Variants in MYO15B observed in about 807,000 individuals in gnomAD.
MYO15B encodes myosin XVB, also known as myosin XVB pseudogene.
In MYO15B, 207 loss-of-function variants were observed where a neutral mutation model predicts 119.3. The ratio of observed to expected loss-of-function variants is 1.73; its 90% CI spans 1.55 to 1.95. The LOEUF (loss-of-function observed/expected upper bound fraction) is 1.95, where lower values mean the gene tolerates loss of function less well. MYO15B is among the 30% of genes most tolerant of loss of function. The probability of loss-of-function intolerance (pLI) is 0.00; values close to 1 mark genes in which losing one functional copy is unlikely to be tolerated. For synonymous variants in MYO15B, 966 were observed against 498.9 expected, an observed-to-expected ratio of 1.94 and a Z score of -12.48; for missense variants, 2,264 against 1,203.1, an observed-to-expected ratio of 1.88 and a Z score of -13.04.
At chr17:75,616,406 G>T in exon 38 of MYO15B, 1 of 625,570 alleles carries the variant, frequency 1.6e-6, no homozygotes, top group Non-Finnish European at 2.9e-6. Context: ...AGGAGGAGGA[G>T]GAGGAGGAGC....
rs775421320 is a variant in MYO15B, at chr17:75,596,756, G to A, written c.3394-12G>A. On this transcript the variant is annotated splice_polypyrimidine_tract_variant and intron_variant, in intron 13 of 63. Transcript: ENST00000645453. ...TGCTCCTGCAAAATGGCCAAATGCC[G>A]GCTGTTCCCAGGAGGAGTGTCGGCG... 21 of 695,368 alleles carry A rather than the reference G, an allele frequency of 3.0e-5. No individual in the cohort carries two copies. Among genetic ancestry groups the A allele is most frequent in the Middle Eastern group, 2.3e-4 (1 of 4,344 alleles). The allele number at this position is 695,368 out of a possible 1,614,324, so 43.1% of individuals were successfully genotyped here.
intron 3 of MYO15B, 36 bp from the exon 4 acceptor site, chr17:75,591,136 G>C: frequency 1.4e-6 from 1 of 702,760 alleles, no homozygotes. Context: ...GAGGGTCCCA[G>C]GTCCCCATGT....
intron 22 of MYO15B, 57 bp downstream of exon 22, chr17:75,610,316 G>A (rs776472297): frequency 1.7e-5 from 11 of 643,318 alleles, no homozygotes; most frequent in South Asian, 3.3e-5. Context: ...TGAGCTGGCC[G>A]AGCTGGCCAA....
intron 21 of MYO15B, among the ~76,000 whole-genome samples, chr17:75,609,209 C>CTT (rs756034754): frequency 7.1e-5 from 10 of 141,658 alleles, no homozygotes; most frequent in African/African-American, 2.3e-4. Context: ...TTCTGCTGCT[C>CTT]TTTTTTTTTT....
At chr17:75,621,504 C>G (rs940786240) in exon 52 of MYO15B, 9 of 701,876 alleles carry the variant, frequency 1.3e-5, no homozygotes, top group Middle Eastern at 2.3e-4. Flanking sequence ...GCCACAGGCT[C>G]CCATCCAGGA....
chr17:75,611,152 G>T (rs1391279305), intron 23 of MYO15B, among the ~76,000 whole-genome samples, 193 bp downstream of exon 23: 1 of 151,934 alleles, frequency 6.6e-6, no homozygotes, highest in Non-Finnish European at 1.5e-5. Flanking sequence ...CTGTTTGTTC[G>T]AGTGTCCAGG....
chr17:75,610,923 TAGC>T (rs1325952007), exon 23 of MYO15B: 3 of 703,028 alleles, frequency 4.3e-6, no homozygotes, highest in Admixed American at 2.0e-5. Flanking sequence ...AGGGCTGGCA[TAGC>T]AGCGAAAGGG....
In MYO15B at chr17:75,589,723, G is replaced by A; in HGVS notation, c.1666G>A (p.Ala556Thr). The A allele has an allele frequency of 2.5e-6, 1 of 398,786 alleles. No homozygotes were observed. The highest frequency in any genetic ancestry group is 4.4e-6 in the Non-Finnish European group (1 of 226,044). The allele number at this position is 398,786 out of a possible 1,614,324, so 24.7% of individuals were successfully genotyped here. A position where few individuals can be genotyped will look rare whatever the true frequency, so the allele number is the denominator to read the frequency against. The change falls in exon 1 of 64, where the codon GCG becomes ACG. Residue 556 changes from alanine (A) to threonine (T), a missense_variant. By Grantham distance (58) the Ala-to-Thr change is moderately conservative. Transcript: ENST00000645453. This position sits in a 1 kb window ranked among gnomAD's most constrained non-coding sequence, Gnocchi z 4.2. The stretch of plus-strand genomic sequence containing the variant: ...CCCCAGGATCCACAGGGCAGGGCGG[G>A]CGTCGAGCAGCCGCAGCTCTGAAGA...
chr17:75,624,933 C>T lies in MYO15B; in HGVS notation c.8688+17C>T. ...TACAGCCAGGTCAGCCTGCCTGCCT[C>T]CGAGCTGCTGCTGCAGTTTGAGGGC... On this transcript the variant is annotated intron_variant, in intron 59 of 63. Coordinates refer to ENST00000645453, the Ensembl canonical transcript of MYO15B. The T allele has an allele frequency of 1.4e-6, 1 of 701,094 alleles. No individual in the cohort carries two copies. The allele number at this position is 701,094 out of a possible 1,614,324, so 43.4% of individuals were successfully genotyped here. A position where few individuals can be genotyped will look rare whatever the true frequency, so the allele number is the denominator to read the frequency against.
chr17:75,617,271 GAGGACCC>G lies in MYO15B; in HGVS notation c.6785_6791del (p.Asp2262GlyfsTer10), dbSNP rs1381381131. ...ACCAGCGCCACCACTGCCTCTGCCC[GAGGACCC>G]AGGGACCCTTTCAGCAGAGCGTCGT... is the stretch of plus-strand genomic sequence containing the variant. On this transcript the variant is annotated frameshift_variant, in exon 41 of 64. Transcript: ENST00000645453. LOFTEE classifies it high-confidence loss of function. 1.5e-6 allele frequency: 1 copy of G among 676,844 alleles called. No individual in the cohort carries two copies. The highest frequency in any genetic ancestry group is 2.7e-6 in the Non-Finnish European group (1 of 373,156). The allele number at this position is 676,844 out of a possible 1,614,324, so 41.9% of individuals were successfully genotyped here. A position where few individuals can be genotyped will look rare whatever the true frequency, so the allele number is the denominator to read the frequency against.
chr17:75,610,839 G>T, intron 22 of MYO15B, 61 bp from the exon 23 acceptor site: 1 of 702,392 alleles, frequency 1.4e-6, no homozygotes, highest in South Asian at 1.5e-5. Flanking sequence ...TCAGAGCTGG[G>T]GAGGTGCCCC....
intron 52 of MYO15B, 151 bp from the exon 53 acceptor site, chr17:75,621,853 C>A (rs1297847256): frequency 1.6e-6 from 1 of 621,770 alleles, no homozygotes; most frequent in South Asian, 1.8e-5. Flanking sequence ...CCCCATGAGT[C>A]GAGCTGCAAC....
In MYO15B at chr17:75,612,915, G is replaced by A. The variant is rs1290916955; in HGVS notation, c.4731+22G>A. 8.6e-6 allele frequency: 6 copies of A among 697,900 alleles called. No homozygotes were observed. In the East Asian group the frequency reaches 1.3e-4, roughly 16 times the overall value. 43.2% of individuals were successfully genotyped at this position (697,900 alleles called of 1,614,324 possible). A position where few individuals can be genotyped will look rare whatever the true frequency, so the allele number is the denominator to read the frequency against. On this transcript the variant is annotated intron_variant, in intron 26 of 63. Transcript: ENST00000645453. Reference sequence around the variant, plus strand: ...AGTGGTGAGTGACACATTGGAGAAGGGACAGGATAGGCGCCTGGGAGCCCC... The same window carrying A: ...AGTGGTGAGTGACACATTGGAGAAGAGACAGGATAGGCGCCTGGGAGCCCC...
intron 43 of MYO15B, among the ~76,000 whole-genome samples, chr17:75,618,782 C>CT (rs35567498): frequency 0.32 from 49,233 of 152,154 alleles, 8,255 homozygotes; most frequent in Middle Eastern, 0.38. Context: ...TTTGCCACCT[C>CT]TGAACGCTCC....
chr17:75,621,683 G>A (rs766946260), intron 52 of MYO15B, 113 bp downstream of exon 52: 81 of 628,430 alleles, frequency 1.3e-4, no homozygotes, highest in Middle Eastern at 3.9e-4. Context: ...TGCCAACTCC[G>A]GGAAGCTCAC....
intron 41 of MYO15B, chr17:75,617,555 C>G: frequency 2.6e-6 from 1 of 388,678 alleles, no homozygotes; most frequent in Non-Finnish European, 4.8e-6. Flanking sequence ...GACACATACC[C>G]GACAGCTCTG....
intron 61 of MYO15B, 70 bp from the exon 62 acceptor site, chr17:75,625,774 G>T (rs182793488): frequency 1.4e-6 from 1 of 701,194 alleles, no homozygotes; most frequent in East Asian, 2.7e-5. Flanking sequence ...AGCTGACCTG[G>T]GGGACCAAGC....
intron 22 of MYO15B, chr17:75,610,596 G>A: frequency 5.5e-6 from 3 of 541,468 alleles, no homozygotes; most frequent in South Asian, 5.1e-5. Context: ...CGACTCAAAG[G>A]TCAATGCCCA....
rs940162521 is a variant in MYO15B, at chr17:75,591,467, G to A, written c.2436-134G>A. The stretch of plus-strand genomic sequence containing the variant: ...TCTGTCGGGTCTCTCCATGCCCTGG[G>A]ACTATCTTTCCACATTTATGGGGGT... On this transcript the variant is annotated intron_variant, in intron 4 of 63. Coordinates refer to ENST00000645453, the Ensembl canonical transcript of MYO15B. 5 of 644,742 alleles carry A rather than the reference G, an allele frequency of 7.8e-6. No individual in the cohort carries two copies. In the African/African-American group the frequency reaches 9.0e-5, roughly 12 times the overall value. 39.9% of individuals were successfully genotyped at this position (644,742 alleles called of 1,614,324 possible).
Sources: gnomAD v4.1 joint callset for allele counts (sites outside exome capture counted in the v4.1 genomes callset) on GRCh38, gnomAD v4.1.1 for gene constraint, Gnocchi (gnomAD v3.1) non-coding constraint, MANE v1.5 for transcripts, NCBI Gene and HGNC (gene_info 2026-07-23, HGNC 2026-07-21) for gene names.